WDR47: variants seen among roughly 807,000 people sequenced by gnomAD.
WDR47 encodes the protein WD repeat domain 47.
Under a neutral mutation model 97.2 loss-of-function variants are expected in WDR47, and 32 were observed. The observed-to-expected ratio is 0.33, with a 90% confidence interval of 0.25 to 0.44. WDR47 has a LOEUF of 0.44. Among genes scored for constraint, WDR47 ranks in the 20% least tolerant of loss-of-function variants. The pLI, the probability that WDR47 is intolerant of heterozygous loss-of-function variation, is 1.00. For missense variants in WDR47, 782 were observed against 1,102.3 expected, an observed-to-expected ratio of 0.71 and a Z score of 4.11; for synonymous variants, 375 against 373.5, an observed-to-expected ratio of 1.00 and a Z score of -0.05.
chr1:108,981,881 A>G lies in WDR47; in HGVS notation c.2267-17T>C. ...AAATATGCCCTATAAAAGATCATAT[A>G]CTCAATTATTAAGGTGGGAGAGTAT... is the stretch of plus-strand genomic sequence containing the variant. On this transcript the variant is annotated splice_polypyrimidine_tract_variant and intron_variant, in intron 12 of 14. Transcript: ENST00000369962. 1 of 1,606,916 alleles carries G rather than the reference A, an allele frequency of 6.2e-7. No homozygotes were observed. Among genetic ancestry groups the G allele is most frequent in the Non-Finnish European group, 8.5e-7 (1 of 1,176,614 alleles).
intron 5 of WDR47, among the ~76,000 whole-genome samples, chr1:109,008,553 G>A (rs977376439): frequency 1.5e-4 from 22 of 151,460 alleles, no homozygotes; most frequent in Admixed American, 1.1e-3. Context: ...TTGAGCCATC[G>A]CGCCGGGCCT....
intron 1 of WDR47, among the ~76,000 whole-genome samples, chr1:109,040,050 A>G (rs556444616): frequency 9.2e-5 from 14 of 151,792 alleles, no homozygotes; most frequent in Non-Finnish European, 1.9e-4. Flanking sequence ...AAAAAAAAAA[A>G]AAAAAAAGGT....
At chr1:109,036,563 G>A (rs1571267738) in intron 1 of WDR47, among the ~76,000 whole-genome samples, 1 of 146,894 alleles carries the variant, frequency 6.8e-6, no homozygotes, top group East Asian at 2.0e-4. Flanking sequence ...TAGTCCAGGC[G>A]CGGTGGCTCA....
At chr1:109,017,750 A>ATTTT in intron 2 of WDR47, 149 bp from the exon 3 acceptor site, 1 of 437,606 alleles carries the variant, frequency 2.3e-6, no homozygotes. Context: ...ATTTTTCATA[A>ATTTT]TTTTTTTTTT....
intron 3 of WDR47, among the ~76,000 whole-genome samples, chr1:109,017,203 G>C (rs536669650): frequency 6.6e-6 from 1 of 152,162 alleles, no homozygotes; most frequent in African/African-American, 2.4e-5. Context: ...ATGAACACAA[G>C]GGAAGCCTGG....
chr1:108,988,486 A>G (rs1219969613), intron 9 of WDR47, among the ~76,000 whole-genome samples: 1 of 152,144 alleles, frequency 6.6e-6, no homozygotes, highest in African/African-American at 2.4e-5. Context: ...CCTGGGCAAC[A>G]TGATGAAAAC....
chr1:108,984,540 A>G lies in WDR47; in HGVS notation c.1926-1089T>C, dbSNP rs981060187. Among the ~76,000 whole-genome samples, 7 of 152,230 alleles carry G rather than the reference A, an allele frequency of 4.6e-5. 1 individual carries two copies. In the East Asian group the frequency reaches 9.6e-4, roughly 21 times the overall value. ...TGTTCATAATTAAGAAATGTTTAAA[A>G]AACAAACAAGAAGACTGACAAATCT... On this transcript the variant is annotated intron_variant, in intron 10 of 14. Coordinates refer to ENST00000369962, the MANE Select transcript of WDR47 (RefSeq NM_001142551.2).
chr1:108,982,662 T>C lies in WDR47; in HGVS notation c.2213A>G (p.Tyr738Cys), dbSNP rs927578457. ...ISAGAGDCNI[Y>C]TTDCQRGQGL... The stretch of plus-strand genomic sequence containing the variant: ...CTGTCCTCTTTGACAATCGGTTGTA[T>C]AAATGTTACAATCCCCTGCTCCAGC... Residue 738 changes from tyrosine (Y) to cysteine (C), a missense_variant, in exon 12 of 15, where the codon TAT becomes TGT. Around this residue, in one of 3 missense-constraint regions of WDR47, gnomAD observed 228 missense variants for 396.7 expected, o/e 0.57. Coordinates refer to ENST00000369962, the MANE Select transcript of WDR47 (RefSeq NM_001142551.2). The C allele has an allele frequency of 2.5e-6, 4 of 1,613,704 alleles. No individual in the cohort carries two copies. The highest frequency in any genetic ancestry group is 1.3e-5 in the African/African-American group (1 of 74,910).
At chr1:109,030,562 A>G (rs1023872186) in intron 1 of WDR47, among the ~76,000 whole-genome samples, 2 of 152,078 alleles carry the variant, frequency 1.3e-5, no homozygotes. Flanking sequence ...TAAAGGCTCC[A>G]TTAATCTGCA....
At chr1:109,036,486 G>T (rs1662952256) in intron 1 of WDR47, among the ~76,000 whole-genome samples, 1 of 136,222 alleles carries the variant, frequency 7.3e-6, no homozygotes, top group Admixed American at 8.3e-5. Flanking sequence ...AGTGAGCCGA[G>T]ATGGCACCAC....
chr1:109,002,116 C>A, intron 7 of WDR47, 108 bp downstream of exon 7: 2 of 1,259,968 alleles, frequency 1.6e-6, no homozygotes, highest in Non-Finnish European at 2.1e-6. Context: ...ACTTCAAATG[C>A]GTAAAAAGCC....
At chr1:109,021,716 G>A (rs750309247) in intron 2 of WDR47, among the ~76,000 whole-genome samples, 5 of 151,936 alleles carry the variant, frequency 3.3e-5, no homozygotes, top group African/African-American at 7.3e-5. Context: ...TAATAGAGAC[G>A]GGATTTCACC....
intron 8 of WDR47, among the ~76,000 whole-genome samples, chr1:108,991,731 A>G (rs34855535): frequency 0.11 from 16,163 of 152,188 alleles, 999 homozygotes; most frequent in African/African-American, 0.15. Context: ...TAGTAAAACT[A>G]TGTTTCCTCT....
chr1:108,995,862 T>C, intron 7 of WDR47, 25 bp from the exon 8 acceptor site: 1 of 1,601,134 alleles, frequency 6.2e-7, no homozygotes, highest in Non-Finnish European at 8.5e-7. Flanking sequence ...AATGTAATCA[T>C]TTTAAAATAA....
intron 10 of WDR47, among the ~76,000 whole-genome samples, chr1:108,983,776 T>C (rs1658530138): frequency 9.4e-6 from 1 of 106,830 alleles, no homozygotes; most frequent in Non-Finnish European, 2.1e-5. Context: ...CTAACAATGC[T>C]TCCAAATTTA....
Position 108,995,689 on chromosome 1 carries a change from T to C in WDR47, c.1582A>G (p.Ser528Gly), listed in dbSNP as rs1456898051. The change falls in exon 8 of 15, where the codon AGT (serine) becomes GGT (glycine). Residue 528 changes from serine to glycine, a missense_variant. Physicochemically the swap from Ser to Gly is moderately conservative, Grantham distance 56 (BLOSUM62 0). This residue lies in a region of WDR47 where 126 missense variants were observed against 121.3 expected (regional missense o/e 1.04). Coordinates refer to ENST00000369962, the MANE Select transcript of WDR47 (RefSeq NM_001142551.2). ...GAAGCATCATGTGTTAATCTCTGACTAGAGTCTTGGGGTGGTGTAGTAAAA... is the reference window on the plus strand; with the variant it reads ...GAAGCATCATGTGTTAATCTCTGACCAGAGTCTTGGGGTGGTGTAGTAAAA... ...TSFTTPPQDS[S>G]QRLTHDASNI... 1.2e-6 allele frequency: 2 copies of C among 1,614,178 alleles called. No individual in the cohort carries two copies. The highest frequency in any genetic ancestry group is 8.5e-7 in the Non-Finnish European group (1 of 1,180,030).
intron 11 of WDR47, 86 bp from the exon 12 acceptor site, chr1:108,982,865 T>A: frequency 7.3e-7 from 1 of 1,377,212 alleles, no homozygotes; most frequent in Non-Finnish European, 9.8e-7. Context: ...TCAAAACTGG[T>A]CAAGAATAAT....
At chr1:109,010,360 G>A (rs192356401) in intron 5 of WDR47, among the ~76,000 whole-genome samples, 8 of 152,208 alleles carry the variant, frequency 5.3e-5, no homozygotes, top group Admixed American at 2.6e-4. Flanking sequence ...CCAGGAGTTT[G>A]AGACCTGGGC....
intron 13 of WDR47, among the ~76,000 whole-genome samples, chr1:108,976,901 C>A (rs1432082567): frequency 6.6e-6 from 1 of 152,078 alleles, no homozygotes; most frequent in Non-Finnish European, 1.5e-5. Flanking sequence ...GGTAAAAATG[C>A]CAAATCAAGC....
Sources: allele counts gnomAD v4.1 joint callset (sites outside exome capture counted in the v4.1 genomes callset), GRCh38; gene constraint gnomAD v4.1.1; regional missense constraint gnomAD v4.1.1; transcripts MANE v1.5; gene names NCBI Gene and HGNC (gene_info 2026-07-23, HGNC 2026-07-21).